XPO4: variants seen among roughly 807,000 people sequenced by gnomAD.
XPO4 encodes exportin 4, also known as exportin-4.
XPO4 carries 39 observed loss-of-function variants against 143.0 expected under a neutral mutation model. The ratio of observed to expected loss-of-function variants is 0.27; its 90% confidence interval spans 0.21 to 0.36. The LOEUF (loss-of-function observed/expected upper bound fraction) is 0.36. XPO4 is among the 10% of genes least tolerant of loss of function. XPO4 has a pLI of 1.00. For synonymous variants in XPO4, 439 were observed against 474.0 expected, an observed-to-expected ratio of 0.93 and a Z score of 0.96; for missense variants, 907 against 1,348.0, an observed-to-expected ratio of 0.67 and a Z score of 5.12.
intron 4 of XPO4, chr13:20,851,690 A>C: frequency 1.1e-6 from 1 of 873,960 alleles, no homozygotes; most frequent in Non-Finnish European, 1.4e-6. Context: ...AGCCGAGGCA[A>C]CAGAGCAAGA....
intron 1 of XPO4, among the ~76,000 whole-genome samples, chr13:20,895,469 T>C (rs2060559301): frequency 6.6e-6 from 1 of 151,832 alleles, no homozygotes; most frequent in African/African-American, 2.4e-5. Flanking sequence ...CTGTCCCTAC[T>C]ACAAACACAA....
chr13:20,783,776 T>G lies in XPO4; in HGVS notation c.3402A>C (p.Leu1134Phe). The stretch of plus-strand genomic sequence containing the variant: ...TTGCCATAAATTCTTCTAAACTCTT[T>G]AAGAAGGCCATCTTCTGCTTCCGAT... The part of the protein sequence containing the change: ...TLDRKQKMAF[L>F]KSLEEFMANV... Residue 1134 changes from leucine (L) to phenylalanine (F), a missense_variant, in exon 23 of 23, where the codon TTA (leucine) becomes TTC (phenylalanine). Physicochemically the swap from Leu to Phe is conservative, Grantham distance 22. Transcript: ENST00000255305. 2 of 1,614,244 alleles carry G rather than the reference T, an allele frequency of 1.2e-6. No individual in the cohort carries two copies. Among genetic ancestry groups the G allele is most frequent in the Non-Finnish European group, 1.7e-6 (2 of 1,180,040 alleles).
chr13:20,784,870 A>C (rs2141469781), intron 22 of XPO4, among the ~76,000 whole-genome samples: 1 of 152,170 alleles, frequency 6.6e-6, no homozygotes, highest in South Asian at 2.1e-4. Flanking sequence ...TGAGCCCAAG[A>C]GGTTGAGGCT....
intron 20 of XPO4, among the ~76,000 whole-genome samples, chr13:20,787,898 C>A (rs953396081): frequency 1.3e-5 from 2 of 152,036 alleles, no homozygotes; most frequent in African/African-American, 4.8e-5. Flanking sequence ...GACCAGAGAC[C>A]CAGCTCAACA....
intron 6 of XPO4, among the ~76,000 whole-genome samples, chr13:20,831,272 T>C (rs1028657057): frequency 3.9e-5 from 6 of 152,158 alleles, no homozygotes; most frequent in Non-Finnish European, 8.8e-5. Flanking sequence ...AAGATGTTCA[T>C]TTAAAAATAA....
In XPO4 at chr13:20,800,306, G is replaced by A. The variant is rs2137844720; in HGVS notation, c.1997C>T (p.Thr666Ile). The change falls in exon 15 of 23, where the codon ACA (threonine) becomes ATA (isoleucine). Residue 666 changes from threonine to isoleucine, a missense_variant. Thr to Ile is a moderately conservative substitution (Grantham distance 89). Transcript: ENST00000255305. The part of the protein sequence containing the change: ...LYDQISLPFS[T>I]AFGADTEGSQ... ...ACCCTCTGTATCTGCTCCGAACGCT[G>A]TACTGAATGGCAGACTTATCTTAAG... The A allele has an allele frequency of 6.2e-7, 1 of 1,613,612 alleles. No individual in the cohort carries two copies. The highest frequency in any genetic ancestry group is 8.5e-7 in the Non-Finnish European group (1 of 1,179,824).
intron 3 of XPO4, among the ~76,000 whole-genome samples, chr13:20,862,193 TAC>T (rs1298867201): frequency 3.3e-5 from 5 of 152,170 alleles, no homozygotes; most frequent in African/African-American, 1.2e-4. Flanking sequence ...GTTATATCAA[TAC>T]TTACCATTTT....
At position 20,851,930 on chromosome 13, in the gene XPO4, G is replaced by A. The variant is rs2060093846; in HGVS notation, c.456+3697C>T. 3.0e-6 allele frequency: 3 copies of A among 985,120 alleles called. No homozygotes were observed. In the African/African-American group the frequency reaches 5.2e-5, roughly 17 times the overall value. The allele number at this position is 985,120 out of a possible 1,614,324, so 61.0% of individuals were successfully genotyped here. ...TCAGTGGCTCCAAAAAAATCCAATT[G>A]CCAGGTTGCAGTGGGACTAGTTTTT... On this transcript the variant is annotated intron_variant, in intron 4 of 22. Transcript: ENST00000255305.
intron 13 of XPO4, among the ~76,000 whole-genome samples, chr13:20,801,334 A>G (rs1355454208): frequency 6.6e-6 from 1 of 152,246 alleles, no homozygotes; most frequent in African/African-American, 2.4e-5. Context: ...TCTTCAGAGT[A>G]CATGCCAAAC....
chr13:20,861,890 G>A (rs113111733), intron 3 of XPO4, among the ~76,000 whole-genome samples: 5 of 142,648 alleles, frequency 3.5e-5, no homozygotes, highest in Non-Finnish European at 7.5e-5. Context: ...CCAGGTTAAA[G>A]CAATTCTCTT....
chr13:20,786,895 C>T (rs1394390812), intron 22 of XPO4, 70 bp downstream of exon 22: 1 of 1,293,912 alleles, frequency 7.7e-7, no homozygotes, highest in Non-Finnish European at 1.1e-6. Flanking sequence ...TAATGACCCA[C>T]CATCTATCTC....
intron 1 of XPO4, among the ~76,000 whole-genome samples, chr13:20,897,936 A>G (rs1335531938): frequency 6.6e-6 from 1 of 152,086 alleles, no homozygotes; most frequent in African/African-American, 2.4e-5. Flanking sequence ...TATTTTTAGT[A>G]GAGTCATGGT....
intron 3 of XPO4, chr13:20,856,371 G>A: frequency 1.0e-6 from 1 of 985,224 alleles, no homozygotes; most frequent in Non-Finnish European, 1.2e-6. Flanking sequence ...TCCTCCATGT[G>A]ATGACAGAAG....
At chr13:20,859,542 G>C (rs1258434236) in intron 3 of XPO4, among the ~76,000 whole-genome samples, 1 of 152,182 alleles carries the variant, frequency 6.6e-6, no homozygotes, top group Non-Finnish European at 1.5e-5. Flanking sequence ...GGAGCTTTCA[G>C]TGAGCGGAGA....
chr13:20,888,175 C>CAAA lies in XPO4; in HGVS notation c.69+14492_69+14494dup, dbSNP rs60114182. 4.1e-3 allele frequency among the ~76,000 whole-genome samples: 372 copies of CAAA among 90,392 alleles called. 4 individuals are homozygous for CAAA. Among genetic ancestry groups the CAAA allele is most frequent in the African/African-American group, 8.7e-3 (187 of 21,486 alleles). The allele number at this position is 90,392 out of a possible 152,430, so 59.3% of individuals were successfully genotyped here. ...GGGCGACAAGAGCAAAACTCCATCT[C>CAAA]AAAAAAAAAAAAAAAAAAGACTAAA... On this transcript the variant is annotated intron_variant, in intron 1 of 22. Transcript: ENST00000255305.
intron 1 of XPO4, among the ~76,000 whole-genome samples, chr13:20,885,696 TG>T (rs2060455899): frequency 6.6e-6 from 1 of 152,130 alleles, no homozygotes; most frequent in Non-Finnish European, 1.5e-5. Context: ...CCCAACACTT[TG>T]GGAGGCCAAG....
chr13:20,821,672 C>A (rs759739927), intron 9 of XPO4, 32 bp downstream of exon 9: 58 of 1,572,350 alleles, frequency 3.7e-5, no homozygotes, highest in Non-Finnish European at 4.7e-5. Context: ...CTTGTGAAAA[C>A]TGACACAATT....
At position 20,861,322 on chromosome 13, in the gene XPO4, G is replaced by A. The variant is rs2060196177; in HGVS notation, c.317+1395C>T. Among the ~76,000 whole-genome samples, 8 of 141,976 alleles carry A rather than the reference G, an allele frequency of 5.6e-5. 1 individual carries two copies. Among genetic ancestry groups the A allele is most frequent in the Admixed American group, 4.4e-4 (6 of 13,692 alleles). The allele number at this position is 141,976 out of a possible 152,430, so 93.1% of individuals were successfully genotyped here. A position where few individuals can be genotyped will look rare whatever the true frequency, so the allele number is the denominator to read the frequency against. On this transcript the variant is annotated intron_variant, in intron 3 of 22. Transcript: ENST00000255305. ...CTTTTTTTTTTTTTTTTGAGATGGAGTCCCACTCTGCCACCTAGGCTGGAG... is the reference window on the plus strand; with the variant it reads ...CTTTTTTTTTTTTTTTTGAGATGGAATCCCACTCTGCCACCTAGGCTGGAG...
chr13:20,814,341 T>TA (rs1409213626), intron 9 of XPO4, among the ~76,000 whole-genome samples: 3 of 152,268 alleles, frequency 2.0e-5, no homozygotes, highest in South Asian at 4.1e-4. Context: ...TTTCTATTAT[T>TA]AAAAAAAGTT....
Sources: allele counts gnomAD v4.1 joint callset (sites outside exome capture counted in the v4.1 genomes callset), GRCh38; gene constraint gnomAD v4.1.1; transcripts MANE v1.5; gene names NCBI Gene and HGNC (gene_info 2026-07-23, HGNC 2026-07-21).